ROBO2: variants seen among roughly 807,000 people sequenced by gnomAD.
The protein encoded by ROBO2 is roundabout homolog 2.
A neutral mutation model predicts 160.8 loss-of-function variants in ROBO2; 53 were observed. The observed-to-expected ratio is 0.33, with a 90% CI of 0.26 to 0.41. The LOEUF is 0.41. Ranked by LOEUF, ROBO2 falls within the 10% of genes least tolerant of loss-of-function variation. The pLI, the probability that ROBO2 is intolerant of heterozygous loss-of-function variation, is 1.00. For synonymous variants in ROBO2, 664 were observed against 611.7 expected (o/e 1.09, Z -1.26); for missense variants, 1,577 against 1,722.4 (o/e 0.92, Z 1.49).
chr3:76,967,131 A>G (rs761764164), intron 2 of ROBO2, among the ~76,000 whole-genome samples: 2 of 152,162 alleles, frequency 1.3e-5, no homozygotes, highest in Non-Finnish European at 2.9e-5. Flanking sequence ...ACATGAATGG[A>G]AAGGTAAGGT....
intron 24 of ROBO2, among the ~76,000 whole-genome samples, chr3:77,635,463 T>G (rs1191338847): frequency 6.6e-6 from 1 of 152,182 alleles, no homozygotes; most frequent in Non-Finnish European, 1.5e-5. Context: ...AATTTTTTAG[T>G]CACAAATTTC....
chr3:76,628,313 G>A (rs369387905), intron 2 of ROBO2, among the ~76,000 whole-genome samples: 6 of 151,670 alleles, frequency 4.0e-5, no homozygotes, highest in African/African-American at 1.5e-4. Context: ...ACAGTGGCAC[G>A]ATCACAGCTT....
At chr3:76,244,608 A>G (rs1395092873) in intron 2 of ROBO2, among the ~76,000 whole-genome samples, 2 of 152,206 alleles carry the variant, frequency 1.3e-5, no homozygotes, top group African/African-American at 4.8e-5. Flanking sequence ...CTTTTCTTGA[A>G]GCTGCCTAAC....
intron 2 of ROBO2, among the ~76,000 whole-genome samples, chr3:76,726,353 G>A (rs1391554790): frequency 6.6e-6 from 1 of 151,976 alleles, no homozygotes; most frequent in Non-Finnish European, 1.5e-5. Context: ...AAAAAATTAG[G>A]CTATGATTTT....
intron 2 of ROBO2, among the ~76,000 whole-genome samples, chr3:75,956,665 A>G (rs1948732275): frequency 6.6e-6 from 1 of 151,716 alleles, no homozygotes; most frequent in Non-Finnish European, 1.5e-5. Flanking sequence ...TATTGCTGGT[A>G]TTGTATTCTT....
chr3:77,287,137 G>A (rs979928896), intron 2 of ROBO2, among the ~76,000 whole-genome samples: 1 of 152,046 alleles, frequency 6.6e-6, no homozygotes, highest in African/African-American at 2.4e-5. Flanking sequence ...AATCCCTTAC[G>A]CTCTTGAAAT....
intron 2 of ROBO2, among the ~76,000 whole-genome samples, chr3:77,392,966 C>G (rs889145158): frequency 6.6e-6 from 1 of 152,040 alleles, no homozygotes; most frequent in Non-Finnish European, 1.5e-5. Flanking sequence ...ATCATTGATG[C>G]TCATAAAATT....
chr3:76,780,923 A>G (rs1474140100), intron 2 of ROBO2, among the ~76,000 whole-genome samples: 1 of 150,666 alleles, frequency 6.6e-6, no homozygotes. Flanking sequence ...CAGGAATTAT[A>G]GGATGGTTTT....
At position 76,079,728 on chromosome 3, in the gene ROBO2, C is replaced by T. The variant is rs147382384; in HGVS notation, c.109+142126C>T. 6.1e-3 allele frequency among the ~76,000 whole-genome samples: 934 copies of T among 151,980 alleles called. 6 individuals carry two copies. Among genetic ancestry groups the T allele is most frequent in the Non-Finnish European group, 9.8e-3 (669 of 67,972 alleles). ...CTCGAACTCCTGAGCTCAGGCAATC[C>T]GTCTGCCTTGGCCTCCCAAAGTGCT... On this transcript the variant is annotated intron_variant, in intron 2 of 26. Coordinates refer to the ROBO2 transcript ENST00000487694.
chr3:76,997,806 G>A (rs1413334684), intron 2 of ROBO2, among the ~76,000 whole-genome samples: 1 of 152,138 alleles, frequency 6.6e-6, no homozygotes, highest in Non-Finnish European at 1.5e-5. Flanking sequence ...TCTGCAGTTT[G>A]GTTGTTCTGA....
intron 2 of ROBO2, among the ~76,000 whole-genome samples, chr3:76,863,446 AGAAAAAAG>A (rs756189972): frequency 1.4e-5 from 2 of 147,760 alleles, no homozygotes; most frequent in Admixed American, 6.7e-5. Context: ...TCAAAAAAAA[AGAAAAAAG>A]AAAAGAAAAG....
At chr3:76,250,245 G>A (rs908483810) in intron 2 of ROBO2, among the ~76,000 whole-genome samples, 1 of 152,010 alleles carries the variant, frequency 6.6e-6, no homozygotes, top group African/African-American at 2.4e-5. Flanking sequence ...CTATAACCCA[G>A]AATATTAGAA....
chr3:77,499,009 GA>G (rs936296792), intron 5 of ROBO2, among the ~76,000 whole-genome samples: 3 of 152,162 alleles, frequency 2.0e-5, no homozygotes, highest in African/African-American at 4.8e-5. Flanking sequence ...AAGTGTAAAT[GA>G]AAAATCTTTA....
At chr3:76,290,715 G>A (rs970456556) in intron 2 of ROBO2, among the ~76,000 whole-genome samples, 2 of 151,992 alleles carry the variant, frequency 1.3e-5, no homozygotes, top group African/African-American at 2.4e-5. Context: ...AGTTTGTTGA[G>A]GGTTTTTAAA....
At position 76,298,944 on chromosome 3, in the gene ROBO2, T is replaced by C. The variant is rs544921389; in HGVS notation, c.109+361342T>C. ...CATGCCTCTGCCAGGGGCAACCTAG[T>C]AGTTCAAATCTGTAGATGTTATTCT... On this transcript the variant is annotated intron_variant, in intron 2 of 26. Coordinates refer to the ROBO2 transcript ENST00000487694. 4.6e-5 allele frequency among the ~76,000 whole-genome samples: 7 copies of C among 152,324 alleles called. No homozygotes were observed. In the South Asian group the frequency reaches 1.5e-3, roughly 32 times the overall value.
chr3:77,172,131 C>T (rs927293336), intron 2 of ROBO2, among the ~76,000 whole-genome samples: 1 of 152,134 alleles, frequency 6.6e-6, no homozygotes, highest in Non-Finnish European at 1.5e-5. Context: ...TCATCTCTTT[C>T]CACCCAGGGT....
Position 76,969,666 on chromosome 3 carries a change from G to T in ROBO2, c.110-128348G>T, listed in dbSNP as rs569134848. Reference sequence around the variant, plus strand: ...CCCCTTTAGCTTTCCCTTTATGTCTGCCTCCTAGTTTTAAAAAGAGCATTC... The same window carrying T: ...CCCCTTTAGCTTTCCCTTTATGTCTTCCTCCTAGTTTTAAAAAGAGCATTC... On this transcript the variant is annotated intron_variant, in intron 2 of 26. Transcript: ENST00000487694. Among the ~76,000 whole-genome samples, 16 of 152,122 alleles carry T rather than the reference G, an allele frequency of 1.1e-4. No homozygotes were observed. The South Asian group carries it at 3.3e-3, about 32-fold the overall frequency.
At position 76,112,166 on chromosome 3, in the gene ROBO2, C is replaced by CT. The variant is rs551014078; in HGVS notation, c.109+174570dup. Among the ~76,000 whole-genome samples the CT allele has an allele frequency of 6.6e-5, 10 of 152,220 alleles. No individual in the cohort carries two copies. In the South Asian group the frequency reaches 2.1e-3, roughly 32 times the overall value. Reference sequence around the variant, plus strand: ...CCCCACAGATATAATTGCATTTCCTCTTTTTTCCAGATATTTTCCTATCTC... The same window carrying CT: ...CCCCACAGATATAATTGCATTTCCTCTTTTTTTCCAGATATTTTCCTATCTC... On this transcript the variant is annotated intron_variant, in intron 2 of 26. Coordinates refer to the ROBO2 transcript ENST00000487694.
intron 2 of ROBO2, among the ~76,000 whole-genome samples, chr3:76,410,506 C>T (rs1457283141): frequency 6.6e-6 from 1 of 152,120 alleles, no homozygotes; most frequent in African/African-American, 2.4e-5. Context: ...GACAATTTCA[C>T]AGATCTAATC....
Sources: gnomAD v4.1 joint callset for allele counts (sites outside exome capture counted in the v4.1 genomes callset) on GRCh38, gnomAD v4.1.1 for gene constraint, MANE v1.5 for transcripts, NCBI Gene and HGNC (gene_info 2026-07-23, HGNC 2026-07-21) for gene names.